The following C12orf42 variants were observed in gnomAD, a reference collection of about 807,000 sequenced individuals.
The protein encoded by C12orf42 is chromosome 12 open reading frame 42.
Under a neutral mutation model 21.6 loss-of-function variants are expected in C12orf42, and 25 were observed. That is an observed-to-expected ratio of 1.16 (90% CI 0.84 to 1.62). C12orf42 has a LOEUF of 1.62. Among genes scored for constraint, C12orf42 ranks in the 40% most tolerant of loss-of-function variants. The pLI, the probability that C12orf42 is intolerant of heterozygous loss-of-function variation, is 0.00. For synonymous variants in C12orf42, 174 were observed against 175.0 expected (o/e 0.99, Z 0.05); for missense variants, 483 against 459.3 (o/e 1.05, Z -0.47).
intron 2 of C12orf42, among the ~76,000 whole-genome samples, chr12:103,411,940 A>G (rs1262882422): frequency 2.0e-5 from 3 of 152,194 alleles, no homozygotes; most frequent in Non-Finnish European, 2.9e-5. Flanking sequence ...AGGCTATAAC[A>G]TACTTCTACT....
At chr12:103,053,996 T>C in the C12orf42 span, among the ~76,000 whole-genome samples, 3 of 151,934 alleles carry the variant, frequency 2.0e-5, no homozygotes. Flanking sequence ...TTACTGCACC[T>C]ATGTAATGCC....
At chr12:103,390,726 G>T (rs151207432) in intron 3 of C12orf42, among the ~76,000 whole-genome samples, 3 of 152,310 alleles carry the variant, frequency 2.0e-5, no homozygotes, top group Non-Finnish European at 4.4e-5. Flanking sequence ...CCCAGTCCAA[G>T]TCCAAAGGCT....
intron 4 of C12orf42, among the ~76,000 whole-genome samples, chr12:103,339,141 A>G (rs2041962575): frequency 6.6e-6 from 1 of 152,238 alleles, no homozygotes; most frequent in Non-Finnish European, 1.5e-5. Flanking sequence ...TATTATTTGC[A>G]TTTGGGCTCT....
intron 2 of C12orf42, among the ~76,000 whole-genome samples, chr12:103,476,284 A>G (rs570920662): frequency 1.3e-5 from 2 of 152,322 alleles, no homozygotes; most frequent in East Asian, 1.9e-4. Flanking sequence ...ATGAGACCAC[A>G]TACTATATAA....
chr12:103,250,355 G>A (rs2034237905), intron 10 of C12orf42, among the ~76,000 whole-genome samples: 1 of 152,040 alleles, frequency 6.6e-6, no homozygotes, highest in African/African-American at 2.4e-5. Context: ...CACAGCCCCA[G>A]AGCTAACATC....
intron 4 of C12orf42, among the ~76,000 whole-genome samples, chr12:103,320,145 C>G (rs1566073417): frequency 6.6e-6 from 1 of 152,170 alleles, no homozygotes; most frequent in Non-Finnish European, 1.5e-5. Context: ...GGCAGATGAT[C>G]TTGAGTGATG....
intron 2 of C12orf42, among the ~76,000 whole-genome samples, chr12:103,419,279 A>G (rs2049650799): frequency 6.6e-6 from 1 of 152,182 alleles, no homozygotes; most frequent in Admixed American, 6.5e-5. Flanking sequence ...TTTATTCTGA[A>G]GGCAATAAGG....
the C12orf42 span, among the ~76,000 whole-genome samples, chr12:103,192,499 T>A: frequency 2.8e-5 from 3 of 107,316 alleles, no homozygotes; most frequent in African/African-American, 3.4e-5. Context: ...CGAGACTCCA[T>A]CTCAAAAAAA....
At chr12:103,287,700 T>A (rs2036557467) in intron 4 of C12orf42, among the ~76,000 whole-genome samples, 1 of 145,556 alleles carries the variant, frequency 6.9e-6, no homozygotes, top group African/African-American at 2.6e-5. Flanking sequence ...AAACTTAAAG[T>A]ATAATAATAA....
chr12:103,063,625 C>T, the C12orf42 span, among the ~76,000 whole-genome samples: 8 of 152,254 alleles, frequency 5.3e-5, no homozygotes, highest in Admixed American at 3.3e-4. Context: ...GATGGCCTTC[C>T]CTGAGGCAGT....
intron 4 of C12orf42, among the ~76,000 whole-genome samples, chr12:103,327,509 G>A (rs1377942346): frequency 6.6e-6 from 1 of 152,226 alleles, no homozygotes; most frequent in Non-Finnish European, 1.5e-5. Context: ...ATTCAGTCTG[G>A]AGAAAGTAAG....
At chr12:103,539,704 T>G in the C12orf42 span, among the ~76,000 whole-genome samples, 10 of 151,704 alleles carry the variant, frequency 6.6e-5, no homozygotes, top group Admixed American at 3.3e-4. Flanking sequence ...CTCAGCCTCC[T>G]GAGTAGCTGG....
chr12:103,539,220 C>G, the C12orf42 span, among the ~76,000 whole-genome samples: 25,226 of 152,056 alleles, frequency 0.17, 2,513 homozygotes, highest in South Asian at 0.32. Context: ...AGGCAAAGTA[C>G]AAAGACATTG....
the C12orf42 span, among the ~76,000 whole-genome samples, chr12:103,191,570 A>AAAAAAC: frequency 9.1e-4 from 118 of 129,114 alleles, 4 homozygotes; most frequent in African/African-American, 3.3e-3. Context: ...AAAAAAAAAA[A>AAAAAAC]AAAATACAAA....
the C12orf42 span, among the ~76,000 whole-genome samples, chr12:103,550,305 C>T: frequency 3.5e-3 from 535 of 152,098 alleles, 8 homozygotes; most frequent in African/African-American, 0.013. Context: ...TCATGGGGTC[C>T]TAAGTTTTGA....
At chr12:103,456,213 G>C (rs1438910863) in intron 2 of C12orf42, 2 of 152,110 alleles carry the variant, frequency 1.3e-5, no homozygotes, top group Non-Finnish European at 2.9e-5. Flanking sequence ...TTCTGTGGTG[G>C]GAGGGACAGA....
At chr12:103,231,548 T>G in the C12orf42 span, among the ~76,000 whole-genome samples, 36,541 of 152,130 alleles carry the variant, frequency 0.24, 4,673 homozygotes, top group Middle Eastern at 0.29. Context: ...ATCGTATAGT[T>G]GGAATCATAC....
chr12:103,362,199 C>G (rs888898795), intron 4 of C12orf42, among the ~76,000 whole-genome samples: 1 of 152,090 alleles, frequency 6.6e-6, no homozygotes, highest in Non-Finnish European at 1.5e-5. Flanking sequence ...GTAGACAACC[C>G]TTATTACCAG....
the C12orf42 span, chr12:103,503,275 G>A: frequency 6.6e-6 from 1 of 152,180 alleles, no homozygotes; most frequent in African/African-American, 2.4e-5. Context: ...GAGGTACCAG[G>A]TCAGGAGGGC....
Sources: allele counts gnomAD v4.1 joint callset (sites outside exome capture counted in the v4.1 genomes callset), GRCh38; gene constraint gnomAD v4.1.1; transcripts MANE v1.5; gene names NCBI Gene and HGNC (gene_info 2026-07-23, HGNC 2026-07-21).